Variants in ZNF521 observed in about 807,000 individuals in gnomAD.
ZNF521 encodes the protein LYST-interacting protein 3.
ZNF521 carries 14 observed loss-of-function variants against 105.5 expected under a neutral mutation model. The ratio of observed to expected loss-of-function variants is 0.13; its 90% CI spans 0.09 to 0.21. The LOEUF (loss-of-function observed/expected upper bound fraction) is 0.21. Ranked by LOEUF, ZNF521 falls within the 10% of genes least tolerant of loss-of-function variation. The probability of loss-of-function intolerance (pLI) is 1.00; values close to 1 mark genes in which losing one functional copy is unlikely to be tolerated. For synonymous variants in ZNF521, 635 were observed against 606.0 expected, an observed-to-expected ratio of 1.05 and a Z score of -0.70; for missense variants, 1,233 against 1,629.7, an observed-to-expected ratio of 0.76 and a Z score of 4.19.
chr18:25,310,950 C>G (rs1228864290), intron 3 of ZNF521, among the ~76,000 whole-genome samples: 1 of 152,142 alleles, frequency 6.6e-6, no homozygotes, highest in Admixed American at 6.6e-5. Context: ...CTACAATTCA[C>G]CCAGGAGACA....
At chr18:25,129,024 A>G (rs1049578601) in intron 5 of ZNF521, among the ~76,000 whole-genome samples, 6 of 151,886 alleles carry the variant, frequency 4.0e-5, no homozygotes, top group African/African-American at 1.4e-4. Context: ...AAAATCAGAG[A>G]ACTAATGCCA....
chr18:25,268,502 A>C (rs1031102328), intron 3 of ZNF521, among the ~76,000 whole-genome samples: 5 of 152,212 alleles, frequency 3.3e-5, no homozygotes, highest in African/African-American at 1.2e-4. Context: ...GTTGAAATGA[A>C]GGAAAAAATG....
At chr18:25,155,955 A>G (rs2035136064) in intron 5 of ZNF521, among the ~76,000 whole-genome samples, 1 of 152,182 alleles carries the variant, frequency 6.6e-6, no homozygotes, top group Non-Finnish European at 1.5e-5. Flanking sequence ...ATAGAGAATA[A>G]AACAGTGGGA....
intron 3 of ZNF521, among the ~76,000 whole-genome samples, chr18:25,267,073 T>A (rs1322514077): frequency 1.3e-5 from 2 of 152,144 alleles, no homozygotes; most frequent in Non-Finnish European, 2.9e-5. Context: ...TGACCTGGGA[T>A]GCTTGAGCTT....
intron 5 of ZNF521, among the ~76,000 whole-genome samples, chr18:25,118,576 GACTGTGAA>G (rs1336359547): frequency 1.3e-5 from 2 of 151,904 alleles, no homozygotes; most frequent in African/African-American, 4.8e-5. Flanking sequence ...ACTCTAAGGA[GACTGTGAA>G]AGTTAATTAT....
At chr18:25,257,025 A>G (rs1908561083) in intron 3 of ZNF521, among the ~76,000 whole-genome samples, 1 of 152,108 alleles carries the variant, frequency 6.6e-6, no homozygotes, top group Non-Finnish European at 1.5e-5. Flanking sequence ...GGCAGAGATG[A>G]GAAAAGTCTA....
chr18:25,090,064 C>T (rs1045537848), intron 6 of ZNF521, among the ~76,000 whole-genome samples: 10 of 152,108 alleles, frequency 6.6e-5, no homozygotes, highest in African/African-American at 1.7e-4. Flanking sequence ...TGAAACAGAA[C>T]GGCAGGTAAA....
At chr18:25,273,958 G>A (rs116093363) in intron 3 of ZNF521, among the ~76,000 whole-genome samples, 259 of 152,204 alleles carry the variant, frequency 1.7e-3, no homozygotes, top group African/African-American at 6.0e-3. Context: ...CAGTTCAGAG[G>A]TATCATCTCA....
At chr18:25,239,507 T>C (rs992729551) in intron 3 of ZNF521, among the ~76,000 whole-genome samples, 14 of 152,164 alleles carry the variant, frequency 9.2e-5, no homozygotes, top group Admixed American at 2.6e-4. Context: ...CATTTCAACA[T>C]AGAAAGAAGG....
intron 5 of ZNF521, among the ~76,000 whole-genome samples, chr18:25,122,256 G>A (rs1355209907): frequency 1.3e-5 from 2 of 151,900 alleles, no homozygotes; most frequent in African/African-American, 2.4e-5. Flanking sequence ...AGAGAGACAA[G>A]GTAGTGAAAA....
chr18:25,351,866 G>T (rs948248106), intron 1 of ZNF521, 139 bp downstream of exon 1: 32 of 263,958 alleles, frequency 1.2e-4, no homozygotes, highest in African/African-American at 7.0e-4. Context: ...AAAGTCTACG[G>T]CTGCCTCGGC....
Position 25,225,211 on chromosome 18 carries a change from T to C in ZNF521, c.2707A>G (p.Asn903Asp). Reference protein sequence around the residue: ...AAYTMETLLQNHQLRDHNIRP... With the variant: ...AAYTMETLLQDHQLRDHNIRP... The stretch of plus-strand genomic sequence containing the variant: ...ATGTTGTGGTCTCGGAGCTGGTGAT[T>C]CTGCAGCAAAGTTTCCATAGTGTAG... Residue 903 changes from asparagine to aspartate, a missense_variant, in exon 4 of 8, where the codon AAT becomes GAT. This residue lies in a region of ZNF521 where 614 missense variants were observed against 751.5 expected (regional missense o/e 0.82). Transcript: ENST00000361524. This position sits in a 1 kb window ranked among gnomAD's most constrained non-coding sequence, Gnocchi z 5.6. The C allele has an allele frequency of 6.2e-7, 1 of 1,614,144 alleles. No homozygotes were observed. Among genetic ancestry groups the C allele is most frequent in the Non-Finnish European group, 8.5e-7 (1 of 1,180,010 alleles).
intron 5 of ZNF521, among the ~76,000 whole-genome samples, chr18:25,185,637 C>T (rs1363470555): frequency 2.0e-5 from 3 of 152,178 alleles, no homozygotes; most frequent in African/African-American, 7.2e-5. Context: ...CACAAAGTCA[C>T]TATTTAAAGC....
rs769166169 is a variant in ZNF521 at position 25,350,870 on chromosome 18, G to C, written c.40+37C>G. On this transcript the variant is annotated intron_variant, in intron 2 of 7. Transcript: ENST00000361524. ...TCCGCTACCCACAGTGACACTCGCG[G>C]ATGGGGGAAAGCGGGGAGCAGGGGG... 2.0e-5 allele frequency: 31 copies of C among 1,545,232 alleles called. No homozygotes were observed. In the Admixed American group the frequency reaches 2.2e-4, roughly 11 times the overall value.
At chr18:25,320,304 C>T (rs572479651) in intron 3 of ZNF521, among the ~76,000 whole-genome samples, 2 of 152,222 alleles carry the variant, frequency 1.3e-5, no homozygotes, top group South Asian at 4.2e-4. Context: ...TCCTGAGTAG[C>T]TGGGATTACA....
intron 5 of ZNF521, among the ~76,000 whole-genome samples, chr18:25,123,686 G>A (rs1167881659): frequency 4.6e-5 from 7 of 152,258 alleles, no homozygotes; most frequent in Admixed American, 2.0e-4. Context: ...TTTAAAGTGC[G>A]TATTAACATT....
At chr18:25,083,931 ATTTTTTTTTTTTTTTTTTTT>A (rs56364504) in intron 7 of ZNF521, among the ~76,000 whole-genome samples, 2 of 57,864 alleles carry the variant, frequency 3.5e-5, no homozygotes, top group African/African-American at 1.5e-4. Context: ...AACCTGGGTA[ATTTTTTTTTTTTTTTTTTTT>A]TTTTTTTTTT....
At chr18:25,301,157 A>G (rs1045964539) in intron 3 of ZNF521, among the ~76,000 whole-genome samples, 3 of 152,180 alleles carry the variant, frequency 2.0e-5, no homozygotes, top group African/African-American at 7.2e-5. Flanking sequence ...TACATTAGAG[A>G]TGTATTTAAA....
At chr18:25,302,499 T>A (rs982281176) in intron 3 of ZNF521, among the ~76,000 whole-genome samples, 3 of 152,278 alleles carry the variant, frequency 2.0e-5, no homozygotes, top group Admixed American at 2.0e-4. Context: ...AAAGTGGAGT[T>A]CCCACGGTTA....
Sources: allele counts gnomAD v4.1 joint callset (sites outside exome capture counted in the v4.1 genomes callset), GRCh38; gene constraint gnomAD v4.1.1; regional missense constraint gnomAD v4.1.1; non-coding constraint Gnocchi (gnomAD v3.1); transcripts MANE v1.5; gene names NCBI Gene and HGNC (gene_info 2026-07-23, HGNC 2026-07-21).